Variants in MAPRE2 observed in about 807,000 individuals in gnomAD.
The protein encoded by MAPRE2 is microtubule associated protein RP/EB family member 2, also known as microtubule-associated protein RP/EB family member 2.
Under a neutral mutation model 43.2 loss-of-function variants are expected in MAPRE2, and 13 were observed. That is an observed-to-expected ratio of 0.30 (90% CI 0.20 to 0.48). The LOEUF is 0.48. Ranked by LOEUF, MAPRE2 falls within the 20% of genes least tolerant of loss-of-function variation. MAPRE2 has a pLI of 0.99. For missense variants in MAPRE2, 161 were observed against 400.2 expected (o/e 0.40, Z 5.10); for synonymous variants, 135 against 148.8 (o/e 0.91, Z 0.68).
intron 1 of MAPRE2, among the ~76,000 whole-genome samples, chr18:35,052,312 A>G (rs1242091432): frequency 6.6e-6 from 1 of 152,214 alleles, no homozygotes; most frequent in Non-Finnish European, 1.5e-5. Context: ...TATAAATGGG[A>G]TCACAGAGAA....
At chr18:35,063,469 A>G (rs1906661919) in intron 1 of MAPRE2, among the ~76,000 whole-genome samples, 1 of 143,566 alleles carries the variant, frequency 7.0e-6, no homozygotes, top group South Asian at 2.2e-4. Context: ...AAGGAGTGAC[A>G]TAAAGAAGGT....
chr18:35,104,922 A>C (rs1431029022), intron 4 of MAPRE2, among the ~76,000 whole-genome samples: 1 of 152,134 alleles, frequency 6.6e-6, no homozygotes, highest in Non-Finnish European at 1.5e-5. Context: ...CTTGGACTCG[A>C]AACTCAACTG....
At chr18:34,989,259 C>T (rs567707619) in intron 1 of MAPRE2, among the ~76,000 whole-genome samples, 1 of 152,300 alleles carries the variant, frequency 6.6e-6, no homozygotes, top group East Asian at 1.9e-4. Context: ...CAATGTCTTA[C>T]ATAAAATGTT....
intron 2 of MAPRE2, among the ~76,000 whole-genome samples, chr18:35,093,262 A>C (rs1447337741): frequency 6.6e-6 from 1 of 150,954 alleles, no homozygotes; most frequent in African/African-American, 2.4e-5. Flanking sequence ...TCAAAAAGGC[A>C]AAAAAAATTG....
chr18:35,085,332 A>G (rs546881462), intron 2 of MAPRE2, among the ~76,000 whole-genome samples: 29 of 152,348 alleles, frequency 1.9e-4, no homozygotes, highest in African/African-American at 6.7e-4. Flanking sequence ...ACATCAGTTC[A>G]AGGAATGATG....
intron 2 of MAPRE2, among the ~76,000 whole-genome samples, chr18:35,079,683 G>T (rs1395202746): frequency 6.6e-6 from 1 of 152,190 alleles, no homozygotes; most frequent in Admixed American, 6.5e-5. Context: ...TTACTCACCA[G>T]TCAGCCAGGA....
intron 1 of MAPRE2, among the ~76,000 whole-genome samples, chr18:35,063,245 A>G (rs1906632575): frequency 1.3e-5 from 2 of 151,978 alleles, no homozygotes; most frequent in Admixed American, 6.6e-5. Context: ...CTGGGACTAC[A>G]GGCGCACACC....
At chr18:35,024,980 G>A (rs932576842) in intron 2 of MAPRE2, among the ~76,000 whole-genome samples, 1 of 152,100 alleles carries the variant, frequency 6.6e-6, no homozygotes, top group African/African-American at 2.4e-5. Context: ...AACACTAGAG[G>A]GTTATTCTGA....
intron 1 of MAPRE2, among the ~76,000 whole-genome samples, chr18:34,999,377 A>G (rs568532142): frequency 2.0e-4 from 31 of 152,312 alleles, no homozygotes; most frequent in African/African-American, 6.3e-4. Context: ...ATTGAGCACT[A>G]TAAATATTCT....
At chr18:35,101,410 G>A (rs1908673398) in intron 3 of MAPRE2, among the ~76,000 whole-genome samples, 1 of 152,064 alleles carries the variant, frequency 6.6e-6, no homozygotes, top group African/African-American at 2.4e-5. Flanking sequence ...AACAATCCAA[G>A]TACACTCTTT....
At chr18:35,090,859 A>C (rs1908114461) in intron 2 of MAPRE2, among the ~76,000 whole-genome samples, 1 of 152,204 alleles carries the variant, frequency 6.6e-6, no homozygotes, top group African/African-American at 2.4e-5. Flanking sequence ...CTAATAAACA[A>C]ATTTTGTTGC....
chr18:34,984,722 A>G, intron 1 of MAPRE2, among the ~76,000 whole-genome samples: 1 of 144,568 alleles, frequency 6.9e-6, no homozygotes, highest in East Asian at 2.0e-4. Flanking sequence ...CATAATCTAC[A>G]TTCACATTTT....
At chr18:35,023,200 T>A (rs534772619) in intron 2 of MAPRE2, among the ~76,000 whole-genome samples, 2 of 152,298 alleles carry the variant, frequency 1.3e-5, no homozygotes, top group African/African-American at 4.8e-5. Context: ...ATTTTTAACA[T>A]GTGTCTGTCT....
intron 1 of MAPRE2, among the ~76,000 whole-genome samples, chr18:34,992,750 T>G (rs2097024446): frequency 6.6e-6 from 1 of 152,194 alleles, no homozygotes; most frequent in Non-Finnish European, 1.5e-5. Flanking sequence ...AGTGATAAGT[T>G]TAAACATCCA....
chr18:35,020,690 C>T (rs903748472), intron 2 of MAPRE2, among the ~76,000 whole-genome samples: 2 of 152,072 alleles, frequency 1.3e-5, no homozygotes, highest in Non-Finnish European at 2.9e-5. Flanking sequence ...CTCAAGAAAA[C>T]GTATCCCCTC....
At chr18:35,038,904 G>A (rs573066476), upstream of MAPRE2, among the ~76,000 whole-genome samples, 2 of 152,220 alleles carry the variant, frequency 1.3e-5, no homozygotes, top group South Asian at 2.1e-4. Flanking sequence ...AGATTTACGC[G>A]GCCCTTGGGG....
At chr18:35,111,849 G>A (rs753576386) in intron 4 of MAPRE2, among the ~76,000 whole-genome samples, 14 of 152,034 alleles carry the variant, frequency 9.2e-5, no homozygotes, top group Non-Finnish European at 2.1e-4. Flanking sequence ...TTGACTTACC[G>A]GAGCCCTGTA....
chr18:35,037,523 A>G (rs1020023911), upstream of MAPRE2, among the ~76,000 whole-genome samples: 5 of 152,202 alleles, frequency 3.3e-5, no homozygotes, highest in Admixed American at 3.3e-4. Context: ...TTATTTTCCA[A>G]TAGGCAGTTG....
rs34361204 is a variant in MAPRE2, at chr18:35,095,363, T to TACACACAC, written c.251-2052_251-2045dup. 9.3e-3 allele frequency among the ~76,000 whole-genome samples: 1,267 copies of TACACACAC among 136,136 alleles called. 11 individuals carry two copies. The highest frequency in any genetic ancestry group is 0.012 in the Non-Finnish European group (808 of 64,780). The allele number at this position is 136,136 out of a possible 152,430, so 89.3% of individuals were successfully genotyped here. A position where few individuals can be genotyped will look rare whatever the true frequency, so the allele number is the denominator to read the frequency against. Reference sequence around the variant, plus strand: ...AAACAGGATCACATTTTTAAGAAAATACACACACACACACACACACACACA... The same window carrying TACACACAC: ...AAACAGGATCACATTTTTAAGAAAATACACACACACACACACACACACACACACACACA... On this transcript the variant is annotated intron_variant, in intron 2 of 6. Coordinates refer to ENST00000300249, the MANE Select transcript of MAPRE2 (RefSeq NM_014268.4).
Sources: gnomAD v4.1 joint callset for allele counts (sites outside exome capture counted in the v4.1 genomes callset) on GRCh38, gnomAD v4.1.1 for gene constraint, MANE v1.5 for transcripts, NCBI Gene and HGNC (gene_info 2026-07-23, HGNC 2026-07-21) for gene names.